The following OVCH2 variants were observed in gnomAD, a reference collection of about 807,000 sequenced individuals.
The protein encoded by OVCH2 is ovochymase-2.
Under a neutral mutation model 73.7 loss-of-function variants are expected in OVCH2, and 88 were observed. The observed-to-expected ratio is 1.19, with a 90% CI of 1.01 to 1.43. OVCH2 has a LOEUF of 1.43. OVCH2 is among the 40% of genes most tolerant of loss of function. The pLI, the probability that OVCH2 is intolerant of heterozygous loss-of-function variation, is 0.00. For missense variants in OVCH2, 706 were observed against 674.5 expected (o/e 1.05, Z -0.52); for synonymous variants, 265 against 234.5 (o/e 1.13, Z -1.19).
chr11:7,686,081 A>G (rs930790225), downstream of OVCH2, among the ~76,000 whole-genome samples: 1 of 152,186 alleles, frequency 6.6e-6, no homozygotes, highest in Admixed American at 6.5e-5. Context: ...TTATATTCAG[A>G]TTTATCATTT....
At chr11:7,691,121 C>T (rs996136174) in intron 14 of OVCH2, 148 bp downstream of exon 14, 2 of 1,015,744 alleles carry the variant, frequency 2.0e-6, no homozygotes, top group Non-Finnish European at 2.9e-6. Context: ...TGAGTATTCT[C>T]TTATTCAGTG....
intron 3 of OVCH2, among the ~76,000 whole-genome samples, chr11:7,702,841 C>T (rs1435654693): frequency 6.6e-6 from 1 of 152,204 alleles, no homozygotes; most frequent in Non-Finnish European, 1.5e-5. Context: ...TATATAAAGA[C>T]TTCAGCTTGC....
Position 7,701,450 on chromosome 11 carries a change from C to T in OVCH2, c.585G>A (p.Gln195=), listed in dbSNP as rs1280977276. The T allele has an allele frequency of 3.1e-6, 5 of 1,611,994 alleles. No individual in the cohort carries two copies. In the East Asian group the frequency reaches 8.9e-5, roughly 29 times the overall value. Reference sequence around the variant, plus strand: ...AGGTCAAAATAGGCAGATTCACTTCCTGCAAGACTTGTGAGAGGACGCCAC... The same window carrying T: ...AGGTCAAAATAGGCAGATTCACTTCTTGCAAGACTTGTGAGAGGACGCCAC... ...TEGGVLSQVL[Q]EVNLPILTWE... The change falls in exon 6 of 16, where the codon CAG becomes CAA. Residue 195 remains glutamine, a synonymous_variant. Transcript: ENST00000533663.
intron 1 of OVCH2, chr11:7,705,342 C>T (rs140694590): frequency 3.9e-5 from 6 of 152,272 alleles, no homozygotes; most frequent in African/African-American, 1.2e-4. Flanking sequence ...CCTCTATCAT[C>T]GGACTATGAA....
chr11:7,683,475 C>T, the OVCH2 span, among the ~76,000 whole-genome samples: 2 of 152,156 alleles, frequency 1.3e-5, no homozygotes, highest in South Asian at 2.1e-4. Context: ...TAATATCTTA[C>T]CTTGATTATT....
intron 2 of OVCH2, 23 bp downstream of exon 2, chr11:7,704,542 G>T (rs1414149029): frequency 1.4e-6 from 2 of 1,471,926 alleles, no homozygotes; most frequent in Non-Finnish European, 1.9e-6. Flanking sequence ...AGTTCTTGAT[G>T]CATAGAAGTC....
chr11:7,704,076 C>T (rs185144825), intron 2 of OVCH2, among the ~76,000 whole-genome samples: 19 of 152,252 alleles, frequency 1.2e-4, no homozygotes, highest in Non-Finnish European at 2.9e-5. Context: ...TTTTATAACA[C>T]AGTTGATGCA....
intron 12 of OVCH2, among the ~76,000 whole-genome samples, chr11:7,693,684 G>C (rs961304535): frequency 5.3e-5 from 8 of 152,048 alleles, no homozygotes; most frequent in African/African-American, 1.9e-4. Flanking sequence ...AATCTGTTTA[G>C]GTTTGATGAA....
intron 10 of OVCH2, among the ~76,000 whole-genome samples, chr11:7,696,245 G>A (rs975603992): frequency 2.0e-5 from 3 of 152,158 alleles, no homozygotes; most frequent in African/African-American, 7.2e-5. Context: ...TAGGAAGCCT[G>A]GTTTGATGGG....
At chr11:7,694,259 T>C (rs1220259705) in intron 12 of OVCH2, among the ~76,000 whole-genome samples, 1 of 152,216 alleles carries the variant, frequency 6.6e-6, no homozygotes, top group Admixed American at 6.5e-5. Context: ...TCTCTGCAGA[T>C]GGTCCATTAG....
chr11:7,689,984 C>G lies in OVCH2; in HGVS notation c.1669G>C (p.Glu557Gln). The change falls in exon 15 of 16, where the codon GAG becomes CAG. Residue 557 changes from glutamate (E) to glutamine (Q), a missense_variant. Transcript: ENST00000533663. ...GTCTCCAGAAACATTGATTCATCCTCTGATATGGAGATGTTTAAATCTGGG... is the reference window on the plus strand; with the variant it reads ...GTCTCCAGAAACATTGATTCATCCTGTGATATGGAGATGTTTAAATCTGGG... ...VYPDLNISIS[E>Q]DESMFLET 6.5e-7 allele frequency: 1 copy of G among 1,526,724 alleles called. No individual in the cohort carries two copies. Among genetic ancestry groups the G allele is most frequent in the South Asian group, 1.2e-5 (1 of 83,904 alleles). The allele number at this position is 1,526,724 out of a possible 1,614,324, so 94.6% of individuals were successfully genotyped here.
At chr11:7,692,261 AT>A (rs1856236891) in intron 12 of OVCH2, among the ~76,000 whole-genome samples, 1 of 152,146 alleles carries the variant, frequency 6.6e-6, no homozygotes, top group East Asian at 1.9e-4. Flanking sequence ...TCTCTAAGAG[AT>A]TAGGAGAGCT....
downstream of OVCH2, among the ~76,000 whole-genome samples, chr11:7,687,593 T>A (rs1856156738): frequency 6.6e-6 from 1 of 152,148 alleles, no homozygotes; most frequent in South Asian, 2.1e-4. Flanking sequence ...GACTGTGGAA[T>A]TCTGACTCAC....
At chr11:7,697,552 TAA>T (rs1281385492) in intron 8 of OVCH2, among the ~76,000 whole-genome samples, 3 of 152,222 alleles carry the variant, frequency 2.0e-5, no homozygotes, top group African/African-American at 7.2e-5. Flanking sequence ...CAATATGCTA[TAA>T]ATAGAATTCC....
chr11:7,691,402 T>C lies in OVCH2; in HGVS notation c.1508-2A>G, dbSNP rs759890509. ...GGACATCATAGCCACACAGCCGAGC[T>C]TGTTGAAGGCCAGCCCAGGCATGAC... On this transcript the variant is annotated splice_acceptor_variant, in intron 13 of 15. Transcript: ENST00000533663. LOFTEE classifies it high-confidence loss of function. The C allele has an allele frequency of 1.9e-6, 3 of 1,610,734 alleles. No individual in the cohort carries two copies. In the South Asian group the frequency reaches 3.3e-5, roughly 18 times the overall value.
At position 7,704,564 on chromosome 11, in the gene OVCH2, C is replaced by T. The variant is rs1244603362; in HGVS notation, c.198+1G>A. 1.9e-6 allele frequency: 3 copies of T among 1,594,752 alleles called. No individual in the cohort carries two copies. Among genetic ancestry groups the T allele is most frequent in the South Asian group, 1.1e-5 (1 of 89,938 alleles). ...GATGCATAGAAGTCCTTGAGACTCA[C>T]CTGCCAGGGATAGGAACCCTTCTCC... On this transcript the variant is annotated splice_donor_variant, in intron 2 of 15. Coordinates refer to ENST00000533663, the MANE Select transcript of OVCH2 (RefSeq NM_198185.7). LOFTEE classifies it high-confidence loss of function.
At chr11:7,706,229 A>T in intron 1 of OVCH2, 78 bp downstream of exon 1, 1 of 1,356,332 alleles carries the variant, frequency 7.4e-7, no homozygotes, top group Non-Finnish European at 1.0e-6. Context: ...CCAAAGGAAC[A>T]TGGAGTCTCG....
chr11:7,706,241 A>G, intron 1 of OVCH2, 66 bp downstream of exon 1: 1 of 1,415,888 alleles, frequency 7.1e-7, no homozygotes, highest in Non-Finnish European at 9.6e-7. Flanking sequence ...GGAGTCTCGG[A>G]GTTGTGACGT....
At chr11:7,678,792 G>C in the OVCH2 span, among the ~76,000 whole-genome samples, 1 of 152,178 alleles carries the variant, frequency 6.6e-6, no homozygotes, top group South Asian at 2.1e-4. Flanking sequence ...CTAGAAGGGA[G>C]AGGAAGGGAA....
Sources: allele counts gnomAD v4.1 joint callset (sites outside exome capture counted in the v4.1 genomes callset), GRCh38; gene constraint gnomAD v4.1.1; transcripts MANE v1.5; gene names NCBI Gene and HGNC (gene_info 2026-07-23, HGNC 2026-07-21).